ST14: variants seen among roughly 807,000 people sequenced by gnomAD.
ST14 encodes the protein suppressor of tumorigenicity 14 protein.
ST14 carries 40 observed loss-of-function variants against 96.5 expected under a neutral mutation model. That is an observed-to-expected ratio of 0.41 (90% confidence interval 0.32 to 0.54). ST14 has a LOEUF of 0.54. ST14 is among the 20% of genes least tolerant of loss of function. The pLI is 0.17. For synonymous variants in ST14, 506 were observed against 492.1 expected, an observed-to-expected ratio of 1.03 and a Z score of -0.37; for missense variants, 1,066 against 1,188.9, an observed-to-expected ratio of 0.90 and a Z score of 1.52.
At chr11:130,172,280 A>T (rs1213265896) in intron 1 of ST14, among the ~76,000 whole-genome samples, 1 of 151,162 alleles carries the variant, frequency 6.6e-6, no homozygotes, top group Non-Finnish European at 1.5e-5. Context: ...TTTTTAAAAA[A>T]TTTTTGTAGA....
At chr11:130,191,296 C>T (rs1451886124) in intron 7 of ST14, among the ~76,000 whole-genome samples, 1 of 152,064 alleles carries the variant, frequency 6.6e-6, no homozygotes, top group Admixed American at 6.5e-5. Flanking sequence ...TGCACCACTG[C>T]ACTCCAGCCT....
At chr11:130,175,107 A>C (rs1327535697) in intron 1 of ST14, among the ~76,000 whole-genome samples, 3 of 152,206 alleles carry the variant, frequency 2.0e-5, no homozygotes. Context: ...CTGGAATTTC[A>C]AGCGGAATGG....
At chr11:130,180,932 C>G (rs1953186266) in intron 1 of ST14, among the ~76,000 whole-genome samples, 2 of 152,148 alleles carry the variant, frequency 1.3e-5, no homozygotes, top group Admixed American at 1.3e-4. Flanking sequence ...AGGGCGTGCT[C>G]TAGGACCTCT....
chr11:130,203,433 G>C (rs1953452211), intron 16 of ST14, among the ~76,000 whole-genome samples: 1 of 152,154 alleles, frequency 6.6e-6, no homozygotes, highest in East Asian at 1.9e-4. Context: ...TCAGGACTCT[G>C]GTCTGCACCA....
intron 1 of ST14, among the ~76,000 whole-genome samples, chr11:130,174,955 A>G (rs1174284722): frequency 2.0e-5 from 3 of 152,182 alleles, no homozygotes; most frequent in Non-Finnish European, 4.4e-5. Context: ...AGGTTTTGCC[A>G]TAAATGTTAC....
rs372303495 is a variant in ST14, at chr11:130,191,622, A to G, written c.875+928A>G. On this transcript the variant is annotated intron_variant, in intron 7 of 18. Coordinates refer to ENST00000278742, the MANE Select transcript of ST14 (RefSeq NM_021978.4). ...GGAGAATCACTTGAACCTGGGAGGC[A>G]GAGGTTGCAGTGAGCCGAGATCGTA... Among the ~76,000 whole-genome samples, 61 of 148,586 alleles carry G rather than the reference A, an allele frequency of 4.1e-4. No homozygotes were observed. The East Asian group carries it at 7.7e-3, about 19-fold the overall frequency.
chr11:130,160,991 C>T (rs1342724372), intron 1 of ST14, among the ~76,000 whole-genome samples: 1 of 152,190 alleles, frequency 6.6e-6, no homozygotes, highest in African/African-American at 2.4e-5. Flanking sequence ...CCTGCCCTGC[C>T]AACCCTCACT....
chr11:130,160,060 G>A lies in ST14; in HGVS notation c.81G>A (p.Glu27=), dbSNP rs1952987357. ...GAGLKYNSRH[E]KVNGLEEGVE... Reference sequence around the variant, plus strand: ...GACTCAAGTACAACTCCCGGCACGAGGTGAGCGCGGGCCGGGGACCCGGGG... The same window carrying A: ...GACTCAAGTACAACTCCCGGCACGAAGTGAGCGCGGGCCGGGGACCCGGGG... The change falls in exon 1 of 19, where the codon GAG becomes GAA. Residue 27 remains glutamate, a splice_region_variant and synonymous_variant. Transcript: ENST00000278742. The A allele has an allele frequency of 7.7e-6, 11 of 1,428,300 alleles. No homozygotes were observed. Among genetic ancestry groups the A allele is most frequent in the East Asian group, 3.1e-5 (1 of 32,518 alleles). The allele number at this position is 1,428,300 out of a possible 1,614,324, so 88.5% of individuals were successfully genotyped here. A position where few individuals can be genotyped will look rare whatever the true frequency, so the allele number is the denominator to read the frequency against.
At position 130,196,403 on chromosome 11, in the gene ST14, C is replaced by T. The variant is rs577756798; in HGVS notation, c.1178C>T (p.Pro393Leu). ...KFFYLLEPGV[P>L]AGTCPKDYVE... ...TTCTACCTGCTGGAGCCCGGCGTGC[C>T]TGCGGGCACCTGCCCCAAGGACTAC... Residue 393 changes from proline (P) to leucine (L), a missense_variant, in exon 10 of 19, where the codon CCT becomes CTT. Coordinates refer to ENST00000278742, the MANE Select transcript of ST14 (RefSeq NM_021978.4). 33 of 1,610,364 alleles carry T rather than the reference C, an allele frequency of 2.0e-5. No homozygotes were observed. The East Asian group carries it at 6.9e-4, about 34-fold the overall frequency.
At chr11:130,190,974 G>A (rs1953292215) in intron 7 of ST14, among the ~76,000 whole-genome samples, 1 of 152,252 alleles carries the variant, frequency 6.6e-6, no homozygotes, top group Admixed American at 6.5e-5. Context: ...CCGGAGAGAA[G>A]GCACTGCCCA....
chr11:130,206,101 C>G (rs1953484164), intron 16 of ST14, among the ~76,000 whole-genome samples: 1 of 152,196 alleles, frequency 6.6e-6, no homozygotes, highest in Non-Finnish European at 1.5e-5. Flanking sequence ...AACAGTTTCT[C>G]TACGCCTTTT....
At chr11:130,198,002 C>A (rs1953386711) in intron 12 of ST14, 57 bp downstream of exon 12, 3 of 1,488,772 alleles carry the variant, frequency 2.0e-6, no homozygotes, top group East Asian at 2.5e-5. Context: ...CTGCCCGCGT[C>A]CCATGGCCCT....
chr11:130,206,976 T>G (rs1480135482), intron 16 of ST14, among the ~76,000 whole-genome samples: 1 of 152,220 alleles, frequency 6.6e-6, no homozygotes, highest in South Asian at 2.1e-4. Flanking sequence ...CACCCTTTTT[T>G]ATTATTCCAC....
intron 5 of ST14, 88 bp from the exon 6 acceptor site, chr11:130,190,025 C>G: frequency 6.2e-7 from 1 of 1,610,462 alleles, no homozygotes; most frequent in South Asian, 1.1e-5. Context: ...TACGTGCTGG[C>G]CGGGCACCTC....
chr11:130,208,340 GCGCGGGGC>G (rs914497402), intron 16 of ST14, 62 bp from the exon 17 acceptor site: 2 of 1,606,976 alleles, frequency 1.2e-6, no homozygotes, highest in Admixed American at 1.7e-5. Flanking sequence ...CTCTGGGAAC[GCGCGGGGC>G]CGCGAGGCCG....
chr11:130,184,010 G>A lies in ST14; in HGVS notation c.82-4104G>A, dbSNP rs189867536. Among the ~76,000 whole-genome samples, 241 of 152,318 alleles carry A rather than the reference G, an allele frequency of 1.6e-3. 1 individual carries two copies. The highest frequency in any genetic ancestry group is 0.012 in the East Asian group (62 of 5,188). On this transcript the variant is annotated intron_variant, in intron 1 of 18. Transcript: ENST00000278742. ...TGCGTGAGTCTCAGAGGAATCGTGCGGAGTGAAAGAAGCCAGATGGAAGAG... is the reference window on the plus strand; with the variant it reads ...TGCGTGAGTCTCAGAGGAATCGTGCAGAGTGAAAGAAGCCAGATGGAAGAG...
chr11:130,162,274 G>C (rs529731925), intron 1 of ST14, among the ~76,000 whole-genome samples: 24 of 152,294 alleles, frequency 1.6e-4, no homozygotes, highest in African/African-American at 5.1e-4. Flanking sequence ...CCTGATGCAC[G>C]TTACTGCATC....
At chr11:130,201,579 C>T (rs1212233677) in intron 16 of ST14, among the ~76,000 whole-genome samples, 1 of 152,254 alleles carries the variant, frequency 6.6e-6, no homozygotes, top group African/African-American at 2.4e-5. Flanking sequence ...TGACACGTGG[C>T]TTTGTCCAGC....
chr11:130,172,776 G>C (rs1185380148), intron 1 of ST14, among the ~76,000 whole-genome samples: 1 of 152,186 alleles, frequency 6.6e-6, no homozygotes, highest in Non-Finnish European at 1.5e-5. Flanking sequence ...GTGGAGGAGT[G>C]TGTATGTCCT....
Sources: gnomAD v4.1 joint callset for allele counts (sites outside exome capture counted in the v4.1 genomes callset) on GRCh38, gnomAD v4.1.1 for gene constraint, MANE v1.5 for transcripts, NCBI Gene and HGNC (gene_info 2026-07-23, HGNC 2026-07-21) for gene names.